ACRV1: variants seen among roughly 807,000 people sequenced by gnomAD.
ACRV1 encodes the protein acrosomal vesicle protein 1.
ACRV1 carries 17 observed loss-of-function variants against 29.2 expected under a neutral mutation model. That is an observed-to-expected ratio of 0.58 (90% CI 0.40 to 0.87). The LOEUF (loss-of-function observed/expected upper bound fraction) is 0.87, where lower values mean the gene tolerates loss of function less well. Ranked by LOEUF, ACRV1 falls within the 40% of genes least tolerant of loss-of-function variation. The probability of loss-of-function intolerance (pLI) is 0.00; values close to 1 mark genes in which losing one functional copy is unlikely to be tolerated. For missense variants in ACRV1, 294 were observed against 316.0 expected (o/e 0.93, Z 0.53); for synonymous variants, 98 against 111.6 (o/e 0.88, Z 0.77).
chr11:125,676,518 A>T (rs76133534), intron 2 of ACRV1, 40 bp from the exon 3 acceptor site: 103,398 of 1,612,024 alleles, frequency 0.064, 3,756 homozygotes, highest in African/African-American at 0.12. Context: ...TTCCTTGTGG[A>T]CCAGATGTGT....
intron 3 of ACRV1, among the ~76,000 whole-genome samples, chr11:125,674,443 G>C (rs565008709): frequency 6.6e-6 from 1 of 152,190 alleles, no homozygotes; most frequent in East Asian, 1.9e-4. Flanking sequence ...CATAACTGGA[G>C]AAAACATGAA....
chr11:125,678,311 G>A lies in ACRV1; in HGVS notation c.53-14C>T, dbSNP rs1287234525. On this transcript the variant is annotated splice_polypyrimidine_tract_variant and intron_variant, in intron 1 of 3. Transcript: ENST00000533904. Reference sequence around the variant, plus strand: ...GACTTGATGTTCCTGGGATGGAGAAGGAACAGAAGAGAGTTGGTGAAGCTG... The same window carrying A: ...GACTTGATGTTCCTGGGATGGAGAAAGAACAGAAGAGAGTTGGTGAAGCTG... The A allele has an allele frequency of 6.2e-7, 1 of 1,610,938 alleles. No individual in the cohort carries two copies. The highest frequency in any genetic ancestry group is 1.7e-5 in the Admixed American group (1 of 59,590).
intron 1 of ACRV1, 105 bp from the exon 2 acceptor site, chr11:125,678,402 T>C: frequency 1.4e-6 from 2 of 1,390,394 alleles, no homozygotes; most frequent in Non-Finnish European, 1.9e-6. Context: ...CTAGGTTTCC[T>C]ATGGGCCTAG....
chr11:125,676,239 A>C, intron 3 of ACRV1, 120 bp downstream of exon 3: 1 of 1,311,140 alleles, frequency 7.6e-7, no homozygotes, highest in Non-Finnish European at 1.1e-6. Flanking sequence ...TGAAAAAATA[A>C]AGTTCTGAAT....
intron 1 of ACRV1, 126 bp downstream of exon 1, chr11:125,680,603 A>T (rs1942751706): frequency 1.2e-6 from 1 of 818,884 alleles, no homozygotes. Context: ...GGACTTGTTT[A>T]GCTGCTCTTG....
At chr11:125,679,185 C>T (rs1347461692) in intron 1 of ACRV1, among the ~76,000 whole-genome samples, 1 of 147,758 alleles carries the variant, frequency 6.8e-6, no homozygotes, top group Non-Finnish European at 1.5e-5. Context: ...TTTTTTCTGG[C>T]CAGTCTCTTC....
At chr11:125,678,954 TAA>T (rs1171041691) in intron 1 of ACRV1, among the ~76,000 whole-genome samples, 1 of 82,996 alleles carries the variant, frequency 1.2e-5, no homozygotes, top group Non-Finnish European at 2.6e-5. Context: ...GCTATTAAGG[TAA>T]AAAAAAAAAA....
intron 1 of ACRV1, among the ~76,000 whole-genome samples, chr11:125,678,814 A>T (rs1164143196): frequency 1.3e-5 from 2 of 151,838 alleles, no homozygotes; most frequent in East Asian, 3.9e-4. Context: ...TTGGACAGGG[A>T]TGACAAGTAT....
In ACRV1 at chr11:125,677,891, CTGTTCACCGGAGCCA is replaced by C. The variant is rs1206010695; in HGVS notation, c.444_458del (p.His148_Glu152del). The C allele has an allele frequency of 1.9e-6, 3 of 1,613,894 alleles. No homozygotes were observed. The highest frequency in any genetic ancestry group is 3.3e-5 in the Admixed American group (2 of 59,986). On this transcript the variant is annotated inframe_deletion, in exon 2 of 4. Coordinates refer to ENST00000533904, the MANE Select transcript of ACRV1 (RefSeq NM_001612.6). ...CACCCGAGGCCTGCTCACCAGAAGG[CTGTTCACCGGAGCCA>C]TGTTCACCTGAAGGCTGTTCATCTG... is the stretch of plus-strand genomic sequence containing the variant.
intron 3 of ACRV1, among the ~76,000 whole-genome samples, chr11:125,674,954 A>C (rs1942418049): frequency 6.6e-6 from 1 of 152,132 alleles, no homozygotes; most frequent in South Asian, 2.1e-4. Flanking sequence ...TACATCCTGC[A>C]CTTTTCTGAC....
intron 1 of ACRV1, among the ~76,000 whole-genome samples, chr11:125,679,138 C>T (rs1442408332): frequency 1.3e-5 from 2 of 150,216 alleles, no homozygotes; most frequent in East Asian, 1.9e-4. Context: ...TTTCTTCCCA[C>T]CTTACACTGG....
intron 2 of ACRV1, 67 bp from the exon 3 acceptor site, chr11:125,676,545 T>G (rs1358751267): frequency 2.5e-6 from 4 of 1,594,780 alleles, no homozygotes; most frequent in Non-Finnish European, 3.4e-6. Context: ...GATTCACATC[T>G]GGGAGGGGTA....
intron 1 of ACRV1, among the ~76,000 whole-genome samples, chr11:125,678,740 G>C (rs1591439725): frequency 6.6e-6 from 1 of 151,890 alleles, no homozygotes; most frequent in Non-Finnish European, 1.5e-5. Flanking sequence ...GAGGGAGAGA[G>C]AAAGCAAGTA....
In ACRV1 at chr11:125,677,985, T is replaced by C; in HGVS notation, c.365A>G (p.Glu122Gly). The C allele has an allele frequency of 6.2e-7, 1 of 1,613,768 alleles. No homozygotes were observed. The highest frequency in any genetic ancestry group is 8.5e-7 in the Non-Finnish European group (1 of 1,179,718). The change falls in exon 2 of 4, where the codon GAA (glutamate) becomes GGA (glycine). Residue 122 changes from glutamate (E) to glycine (G), a missense_variant. Physicochemically the swap from Glu to Gly is moderately conservative, Grantham distance 98 (BLOSUM62 -2). Transcript: ENST00000533904. Reference sequence around the variant, plus strand: ...CAAAGGCTGTTCTCCGGAGAGGTGTTCACCTGAAGGCTGTTCTCCTGAAGG... The same window carrying C: ...CAAAGGCTGTTCTCCGGAGAGGTGTCCACCTGAAGGCTGTTCTCCTGAAGG... ...EQPSGEQPSG[E>G]HLSGEQPLSE...
At position 125,676,381 on chromosome 11, in the gene ACRV1, G is replaced by A. The variant is rs750207747; in HGVS notation, c.651C>T (p.Cys217=). Residue 217 remains cysteine, a synonymous_variant, in exon 3 of 4, where the codon TGC becomes TGT. Coordinates refer to ENST00000533904, the MANE Select transcript of ACRV1 (RefSeq NM_001612.6). The stretch of plus-strand genomic sequence containing the variant: ...TACCTTCAAAGATCTTCTTTAACAT[G>A]CACTGCTGGGAATTCTGAGTGATGC... ...GTCITQNSQQ[C]MLKKIFEGGK... is the part of the protein sequence containing the mutation. The A allele has an allele frequency of 1.2e-6, 2 of 1,614,074 alleles. No homozygotes were observed. Among genetic ancestry groups the A allele is most frequent in the Admixed American group, 3.3e-5 (2 of 60,016 alleles).
rs1473514508 is a variant in ACRV1 at position 125,678,983 on chromosome 11, T to TATATATATATAG, written c.53-687_53-686insCTATATATATAT. On this transcript the variant is annotated intron_variant, in intron 1 of 3. Coordinates refer to ENST00000533904, the MANE Select transcript of ACRV1 (RefSeq NM_001612.6). ...AAAAAAAAAGTCTAGGCATATTATA[T>TATATATATATAG]ATATATATATATATAGACACACACA... Among the ~76,000 whole-genome samples the TATATATATATAG allele has an allele frequency of 1.6e-4, 22 of 138,264 alleles. 3 individuals are homozygous for TATATATATATAG. The highest frequency in any genetic ancestry group is 5.3e-4 in the African/African-American group (20 of 37,524). 90.7% of individuals were successfully genotyped at this position (138,264 alleles called of 152,430 possible). A position where few individuals can be genotyped will look rare whatever the true frequency, so the allele number is the denominator to read the frequency against.
rs1357108348 is a variant in ACRV1, at chr11:125,672,312, AAAG to A, written c.*278_*280del. 3.5e-6 allele frequency: 1 copy of A among 287,884 alleles called. No homozygotes were observed. The highest frequency in any genetic ancestry group is 6.4e-6 in the Non-Finnish European group (1 of 155,546). 17.8% of individuals were successfully genotyped at this position (287,884 alleles called of 1,614,324 possible). On this transcript the variant is annotated 3_prime_UTR_variant, in exon 4 of 4. Transcript: ENST00000533904. Reference sequence around the variant, plus strand: ...CTGCAACTAGATTAATGGGGGAAAAAAAGGTCTGTCTTGAGCCTGTGTGCTTTA... The same window carrying A: ...CTGCAACTAGATTAATGGGGGAAAAAGTCTGTCTTGAGCCTGTGTGCTTTA...
Position 125,678,978 on chromosome 11 carries a change from TTATA to T in ACRV1, c.53-685_53-682del, listed in dbSNP as rs10522682. Among the ~76,000 whole-genome samples, 59 of 88,438 alleles carry T rather than the reference TTATA, an allele frequency of 6.7e-4. 5 individuals are homozygous for T. The highest frequency in any genetic ancestry group is 1.6e-3 in the African/African-American group (38 of 23,042). The allele number at this position is 88,438 out of a possible 152,430, so 58.0% of individuals were successfully genotyped here. On this transcript the variant is annotated intron_variant, in intron 1 of 3. Transcript: ENST00000533904. Reference sequence around the variant, plus strand: ...GTAAAAAAAAAAAAGTCTAGGCATATTATATATATATATATATATAGACACACAC... The same window carrying T: ...GTAAAAAAAAAAAAGTCTAGGCATATTATATATATATATATAGACACACAC...
In ACRV1 at chr11:125,674,955, C is replaced by G. The variant is rs1014385563; in HGVS notation, c.673+1404G>C. ...CTCTTTTTCCTATTTACATCCTGCA[C>G]TTTTCTGACTTTTGCTTTCATTCCC... On this transcript the variant is annotated intron_variant, in intron 3 of 3. Coordinates refer to ENST00000533904, the MANE Select transcript of ACRV1 (RefSeq NM_001612.6). Among the ~76,000 whole-genome samples, 4 of 152,302 alleles carry G rather than the reference C, an allele frequency of 2.6e-5. No homozygotes were observed. The South Asian group carries it at 8.3e-4, about 32-fold the overall frequency.
Sources: gnomAD v4.1 joint callset for allele counts (sites outside exome capture counted in the v4.1 genomes callset) on GRCh38, gnomAD v4.1.1 for gene constraint, MANE v1.5 for transcripts, NCBI Gene and HGNC (gene_info 2026-07-23, HGNC 2026-07-21) for gene names.